Variants in DARS1 observed in about 807,000 individuals in gnomAD.
DARS1 encodes aspartyl-tRNA synthetase 1.
In DARS1, 51 loss-of-function variants were observed where a neutral mutation model predicts 68.8. The observed-to-expected ratio is 0.74, with a 90% CI of 0.59 to 0.94. The LOEUF (loss-of-function observed/expected upper bound fraction) is 0.94. Among genes scored for constraint, DARS1 ranks in the 40% least tolerant of loss-of-function variants. The pLI is 0.00. For missense variants in DARS1, 607 were observed against 597.3 expected, an observed-to-expected ratio of 1.02 and a Z score of -0.17; for synonymous variants, 203 against 190.4, an observed-to-expected ratio of 1.07 and a Z score of -0.55.
intron 10 of DARS1, among the ~76,000 whole-genome samples, chr2:135,916,918 C>T (rs947624790): frequency 2.4e-4 from 37 of 152,108 alleles, no homozygotes; most frequent in African/African-American, 8.4e-4. Flanking sequence ...TATTTTTGAC[C>T]GGGTGCAGTG....
chr2:135,910,174 T>C (rs1313913195), intron 15 of DARS1, among the ~76,000 whole-genome samples: 2 of 152,196 alleles, frequency 1.3e-5, no homozygotes, highest in Non-Finnish European at 2.9e-5. Flanking sequence ...TCCCTTGGTA[T>C]GTAAGACCAG....
In DARS1 at chr2:135,907,387, G is replaced by T; in HGVS notation, c.1435C>A (p.Leu479Met). Residue 479 changes from leucine (L) to methionine (M), a missense_variant, in exon 16 of 16, where the codon CTG becomes ATG. Physicochemically the swap from Leu to Met is conservative, Grantham distance 15. Coordinates refer to ENST00000264161, the MANE Select transcript of DARS1 (RefSeq NM_001349.4). ...CGAACATTATGCAATCCCAGAAACAGCATAGTAACTCGTTCCAATCCTGGG... is the reference window on the plus strand; with the variant it reads ...CGAACATTATGCAATCCCAGAAACATCATAGTAACTCGTTCCAATCCTGGG... Reference protein sequence around the residue: ...GGIGLERVTMLFLGLHNVRQT... With the variant: ...GGIGLERVTMMFLGLHNVRQT... 1 of 1,611,280 alleles carries T rather than the reference G, an allele frequency of 6.2e-7. No individual in the cohort carries two copies. The highest frequency in any genetic ancestry group is 8.5e-7 in the Non-Finnish European group (1 of 1,178,560).
At chr2:135,910,007 G>C (rs1019159345) in intron 15 of DARS1, among the ~76,000 whole-genome samples, 2 of 152,026 alleles carry the variant, frequency 1.3e-5, no homozygotes, top group African/African-American at 4.8e-5. Context: ...ACACACTTCT[G>C]GTCCCAAGCA....
chr2:135,934,627 CA>C (rs1261636969), intron 5 of DARS1, among the ~76,000 whole-genome samples: 2 of 151,614 alleles, frequency 1.3e-5, no homozygotes, highest in Non-Finnish European at 2.9e-5. Context: ...CTCAAAAAAA[CA>C]AAAACAGAAA....
chr2:135,976,088 TC>T (rs1682491644), intron 3 of DARS1, among the ~76,000 whole-genome samples: 1 of 152,248 alleles, frequency 6.6e-6, no homozygotes, highest in Admixed American at 6.5e-5. Flanking sequence ...AATAAATTTT[TC>T]AATTTTGCAA....
At chr2:135,928,716 G>A (rs1182447544) in intron 7 of DARS1, among the ~76,000 whole-genome samples, 1 of 150,250 alleles carries the variant, frequency 6.7e-6, no homozygotes, top group Non-Finnish European at 1.5e-5. Flanking sequence ...TGTCGCCCAG[G>A]CTAGAGTGCA....
intron 5 of DARS1, among the ~76,000 whole-genome samples, chr2:135,934,795 ATTTT>A (rs1014128109): frequency 2.9e-5 from 4 of 138,418 alleles, no homozygotes; most frequent in Admixed American, 7.3e-5. Context: ...ACTTGCTATC[ATTTT>A]TTTTTTTTTT....
Position 135,981,486 on chromosome 2 carries a change from C to T in DARS1, c.124+1911G>A, listed in dbSNP as rs115572299. ...CATGATGGTCAAAGGAGATGCTCAT[C>T]GGAGGATTTTGGATTTTCAGATTAG... On this transcript the variant is annotated intron_variant, in intron 2 of 15. Transcript: ENST00000264161. Among the ~76,000 whole-genome samples, 1,266 of 152,082 alleles carry T rather than the reference C, an allele frequency of 8.3e-3. 14 individuals are homozygous for T. The highest frequency in any genetic ancestry group is 0.027 in the African/African-American group (1,121 of 41,458).
intron 9 of DARS1, 84 bp from the exon 10 acceptor site, chr2:135,920,684 G>T (rs1681095221): frequency 6.9e-7 from 1 of 1,443,226 alleles, no homozygotes; most frequent in African/African-American, 1.4e-5. Flanking sequence ...CTTTTATTTA[G>T]TTGGATTCCA....
At chr2:135,949,153 A>G (rs1458061177) in intron 4 of DARS1, among the ~76,000 whole-genome samples, 8 of 152,132 alleles carry the variant, frequency 5.3e-5, no homozygotes, top group Admixed American at 5.2e-4. Flanking sequence ...GAATACCTCT[A>G]TGTTTGGGGA....
At chr2:135,968,725 G>T (rs183817134) in intron 3 of DARS1, among the ~76,000 whole-genome samples, 2 of 149,516 alleles carry the variant, frequency 1.3e-5, no homozygotes, top group African/African-American at 2.5e-5. Context: ...GTAGTGGTGC[G>T]ATCTCAGCTC....
intron 5 of DARS1, among the ~76,000 whole-genome samples, chr2:135,940,272 C>T (rs1681566614): frequency 6.6e-6 from 1 of 152,168 alleles, no homozygotes; most frequent in Non-Finnish European, 1.5e-5. Flanking sequence ...AAAATACTGG[C>T]AAAACAAATC....
At chr2:135,945,538 CA>C (rs1171968612) in intron 4 of DARS1, among the ~76,000 whole-genome samples, 3 of 150,608 alleles carry the variant, frequency 2.0e-5, no homozygotes, top group East Asian at 1.9e-4. Flanking sequence ...CCAATTAAAG[CA>C]AAAAAAAATT....
intron 8 of DARS1, among the ~76,000 whole-genome samples, chr2:135,923,445 G>A (rs370700603): frequency 3.3e-5 from 5 of 151,912 alleles, no homozygotes; most frequent in South Asian, 4.2e-4. Context: ...GTCAACCACC[G>A]CGCCCGGCTA....
At chr2:135,909,452 ATATC>A (rs1246523080) in intron 15 of DARS1, among the ~76,000 whole-genome samples, 1 of 152,212 alleles carries the variant, frequency 6.6e-6, no homozygotes, top group East Asian at 1.9e-4. Flanking sequence ...GCTAATTAAC[ATATC>A]TATCATCTTG....
At position 135,910,312 on chromosome 2, in the gene DARS1, C is replaced by T. The variant is rs2104791761; in HGVS notation, c.1414+827G>A. ...TATTTACAAACAAGGATTCCCTTTT[C>T]TCCACATCCTTACCAACAATTATCC... On this transcript the variant is annotated intron_variant, in intron 15 of 15. Coordinates refer to ENST00000264161, the MANE Select transcript of DARS1 (RefSeq NM_001349.4). Among the ~76,000 whole-genome samples the T allele has an allele frequency of 2.0e-5, 3 of 152,280 alleles. No homozygotes were observed. In the East Asian group the frequency reaches 5.8e-4, roughly 29 times the overall value.
chr2:135,952,328 T>C (rs1270298795), intron 4 of DARS1, among the ~76,000 whole-genome samples: 1 of 152,236 alleles, frequency 6.6e-6, no homozygotes, highest in Non-Finnish European at 1.5e-5. Flanking sequence ...TACAGTGTGA[T>C]GTCTCCATAT....
At chr2:135,927,703 GA>G (rs1225285490) in intron 7 of DARS1, among the ~76,000 whole-genome samples, 2 of 151,978 alleles carry the variant, frequency 1.3e-5, no homozygotes, top group African/African-American at 4.8e-5. Context: ...ACAGAAAGCA[GA>G]AAACTAATTT....
intron 5 of DARS1, among the ~76,000 whole-genome samples, chr2:135,938,218 C>A (rs1212352023): frequency 3.3e-5 from 5 of 152,182 alleles, no homozygotes. Flanking sequence ...AACTTCTCTT[C>A]TTGCTTCATT....
Sources: gnomAD v4.1 joint callset for allele counts (sites outside exome capture counted in the v4.1 genomes callset) on GRCh38, gnomAD v4.1.1 for gene constraint, MANE v1.5 for transcripts, NCBI Gene and HGNC (gene_info 2026-07-23, HGNC 2026-07-21) for gene names.